Variants in SNAP47 observed in about 807,000 individuals in gnomAD.
The protein encoded by SNAP47 is synaptosomal-associated protein 47.
A neutral mutation model predicts 31.4 loss-of-function variants in SNAP47; 20 were observed. The ratio of observed to expected loss-of-function variants is 0.64; its 90% CI spans 0.45 to 0.93. The LOEUF (loss-of-function observed/expected upper bound fraction) is 0.93. Among genes scored for constraint, SNAP47 ranks in the 40% least tolerant of loss-of-function variants. The pLI, the probability that SNAP47 is intolerant of heterozygous loss-of-function variation, is 0.00. For synonymous variants in SNAP47, 194 were observed against 213.4 expected, an observed-to-expected ratio of 0.91 and a Z score of 0.79; for missense variants, 492 against 528.5, an observed-to-expected ratio of 0.93 and a Z score of 0.68.
chr1:227,733,874 C>T, upstream of SNAP47: 1 of 1,611,700 alleles, frequency 6.2e-7, no homozygotes, highest in Non-Finnish European at 8.5e-7. Context: ...CACCAGGCCC[C>T]TTCGGGTTCC....
At chr1:227,748,981 T>C (rs990402119) in intron 2 of SNAP47, among the ~76,000 whole-genome samples, 4 of 152,200 alleles carry the variant, frequency 2.6e-5, no homozygotes, top group African/African-American at 9.7e-5. Context: ...TTGGCTTTCT[T>C]TTAGTGTTGC....
intron 2 of SNAP47, among the ~76,000 whole-genome samples, chr1:227,752,055 G>C (rs968285254): frequency 6.6e-6 from 1 of 152,016 alleles, no homozygotes; most frequent in Non-Finnish European, 1.5e-5. Flanking sequence ...GTGAACCACC[G>C]CGCCCGGCCA....
rs142920498 is a variant in SNAP47 at position 227,756,637 on chromosome 1, CAGTT to C, written c.498-2355_498-2352del. ...TCTGCCCACGTGTATTTCCAGCAAA[CAGTT>C]AGGGTGCTGCCTGTCTGAAATGGGG... is the stretch of plus-strand genomic sequence containing the variant. On this transcript the variant is annotated intron_variant, in intron 2 of 4. Coordinates refer to ENST00000617596, the MANE Select transcript of SNAP47 (RefSeq NM_053052.4). Among the ~76,000 whole-genome samples, 742 of 152,324 alleles carry C rather than the reference CAGTT, an allele frequency of 4.9e-3. 5 individuals carry two copies. The highest frequency in any genetic ancestry group is 0.017 in the African/African-American group (699 of 41,566).
upstream of SNAP47, chr1:227,734,862 TCA>T (rs1350190274): frequency 1.2e-6 from 2 of 1,609,336 alleles, no homozygotes; most frequent in African/African-American, 2.7e-5. Flanking sequence ...GGCCCCGTCC[TCA>T]CTCCAAACCG....
chr1:227,773,127 ATTTT>A (rs34140624), intron 4 of SNAP47, among the ~76,000 whole-genome samples: 23 of 102,372 alleles, frequency 2.2e-4, no homozygotes, highest in African/African-American at 7.4e-4. Context: ...CGTCCAGCTA[ATTTT>A]TTTTTTTTTT....
At chr1:227,764,500 G>C (rs1450902392) in intron 3 of SNAP47, among the ~76,000 whole-genome samples, 1 of 152,218 alleles carries the variant, frequency 6.6e-6, no homozygotes, top group East Asian at 1.9e-4. Context: ...TGGGCACGGT[G>C]GTTCATGCCT....
upstream of SNAP47, chr1:227,733,318 A>T: frequency 7.4e-7 from 1 of 1,360,198 alleles, no homozygotes; most frequent in Non-Finnish European, 9.9e-7. Flanking sequence ...GAGCCACCCC[A>T]TTCCAGCCCA....
intron 4 of SNAP47, chr1:227,770,721 A>C: frequency 6.5e-6 from 1 of 154,616 alleles, no homozygotes; most frequent in East Asian, 1.9e-4. Flanking sequence ...TGTGTACCTA[A>C]TGAATGTAAG....
intron 3 of SNAP47, 37 bp from the exon 4 acceptor site, chr1:227,766,922 G>A (rs372793706): frequency 1.1e-5 from 18 of 1,610,316 alleles, no homozygotes; most frequent in South Asian, 4.4e-5. Context: ...TTGCAACTCC[G>A]AGAGATGTCA....
At chr1:227,774,952 G>A (rs535431113) in intron 4 of SNAP47, among the ~76,000 whole-genome samples, 13 of 152,344 alleles carry the variant, frequency 8.5e-5, no homozygotes, top group Admixed American at 5.2e-4. Context: ...TCTGCATGGC[G>A]TTTCCTGTGC....
chr1:227,735,225 C>G (rs757921934), upstream of SNAP47: 1 of 1,595,896 alleles, frequency 6.3e-7, no homozygotes, highest in Non-Finnish European at 8.5e-7. Flanking sequence ...ACATCGACCC[C>G]CAGGCCTCGG....
At chr1:227,744,348 T>G (rs1052990329) in intron 1 of SNAP47, among the ~76,000 whole-genome samples, 5 of 152,168 alleles carry the variant, frequency 3.3e-5, no homozygotes, top group Admixed American at 6.5e-5. Flanking sequence ...CTGATTGGCA[T>G]GTATGCATGT....
intron 4 of SNAP47, chr1:227,775,884 G>A: frequency 2.3e-6 from 3 of 1,303,580 alleles, no homozygotes; most frequent in Non-Finnish European, 3.0e-6. Context: ...TTTCCTAGCA[G>A]GGCAGCAAGC....
upstream of SNAP47, chr1:227,733,409 A>C (rs746902443): frequency 1.9e-6 from 3 of 1,569,904 alleles, no homozygotes; most frequent in South Asian, 3.5e-5. Context: ...GAAGCAGCAC[A>C]TTACCAGGTT....
rs575520563 is a variant in SNAP47, at chr1:227,774,964, C to T, written c.1114-5563C>T. On this transcript the variant is annotated intron_variant, in intron 4 of 4. Transcript: ENST00000617596. ...TGCTCTGCATGGCGTTTCCTGTGCACGCCTGGAGTGAGCTCAGCTGGCCCG... is the reference window on the plus strand; with the variant it reads ...TGCTCTGCATGGCGTTTCCTGTGCATGCCTGGAGTGAGCTCAGCTGGCCCG... Among the ~76,000 whole-genome samples the T allele has an allele frequency of 3.9e-5, 6 of 152,356 alleles. No individual in the cohort carries two copies. In the South Asian group the frequency reaches 1.0e-3, roughly 26 times the overall value.
chr1:227,764,777 A>G (rs974900849), intron 3 of SNAP47, among the ~76,000 whole-genome samples: 1 of 152,006 alleles, frequency 6.6e-6, no homozygotes, highest in Non-Finnish European at 1.5e-5. Context: ...GGTGGTGTGC[A>G]CCTGTACTCC....
intron 1 of SNAP47, among the ~76,000 whole-genome samples, chr1:227,738,929 A>T (rs1661411098): frequency 6.6e-6 from 1 of 152,058 alleles, no homozygotes; most frequent in African/African-American, 2.4e-5. Context: ...TTGGTGGGAG[A>T]TGGAGCTCTC....
rs751872259 is a variant in SNAP47, at chr1:227,759,421, A to G, written c.924A>G (p.Ala308=). The G allele has an allele frequency of 3.1e-6, 5 of 1,614,108 alleles. No homozygotes were observed. The highest frequency in any genetic ancestry group is 1.6e-4 in the Middle Eastern group (1 of 6,084). The change falls in exon 3 of 5, where the codon GCA becomes GCG. Residue 308 remains alanine, a synonymous_variant. Coordinates refer to ENST00000617596, the MANE Select transcript of SNAP47 (RefSeq NM_053052.4). ...AGAAGATGGAGCTGTTAGAAGATGC[A>G]TTGGTGCTCAGAAGCGCAAGAACCT... is the stretch of plus-strand genomic sequence containing the variant. The part of the protein sequence containing the change: ...FSKKMELLED[A]LVLRSARTSS...
chr1:227,735,158 A>T (rs1237124197), upstream of SNAP47: 1 of 1,581,100 alleles, frequency 6.3e-7, no homozygotes, highest in Admixed American at 1.8e-5. Flanking sequence ...GGCGTAGGAG[A>T]AGGCGCCCGG....
Sources: gnomAD v4.1 joint callset for allele counts (sites outside exome capture counted in the v4.1 genomes callset) on GRCh38, gnomAD v4.1.1 for gene constraint, MANE v1.5 for transcripts, NCBI Gene and HGNC (gene_info 2026-07-23, HGNC 2026-07-21) for gene names.